The following DEF6 variants were observed in gnomAD, a reference collection of about 807,000 sequenced individuals.
DEF6 encodes DEF6 guanine nucleotide exchange factor, also known as differentially expressed in FDCP 6 homolog.
DEF6 carries 32 observed loss-of-function variants against 80.5 expected under a neutral mutation model. The observed-to-expected ratio is 0.40, with a 90% CI of 0.30 to 0.53. The LOEUF (loss-of-function observed/expected upper bound fraction) is 0.53. Among genes scored for constraint, DEF6 ranks in the 20% least tolerant of loss-of-function variants. DEF6 has a pLI of 0.57. For missense variants in DEF6, 575 were observed against 818.7 expected, an observed-to-expected ratio of 0.70 and a Z score of 3.63; for synonymous variants, 300 against 337.9, an observed-to-expected ratio of 0.89 and a Z score of 1.23.
chr6:35,302,911 C>T (rs1791334104), intron 1 of DEF6, among the ~76,000 whole-genome samples: 1 of 152,124 alleles, frequency 6.6e-6, no homozygotes, highest in Non-Finnish European at 1.5e-5. Flanking sequence ...CCTTGATTTC[C>T]TCATCTCTAA....
intron 1 of DEF6, among the ~76,000 whole-genome samples, chr6:35,304,548 CAA>C (rs1290667509): frequency 2.0e-5 from 3 of 152,160 alleles, no homozygotes; most frequent in East Asian, 1.9e-4. Flanking sequence ...GGCAAGTAAA[CAA>C]GAGGGATGAG....
chr6:35,297,972 C>A lies in DEF6; in HGVS notation c.96+20C>A. 1 of 1,569,966 alleles carries A rather than the reference C, an allele frequency of 6.4e-7. No individual in the cohort carries two copies. Among genetic ancestry groups the A allele is most frequent in the East Asian group, 2.3e-5 (1 of 43,360 alleles). On this transcript the variant is annotated intron_variant, in intron 1 of 10. Coordinates refer to ENST00000316637, the MANE Select transcript of DEF6 (RefSeq NM_022047.4). ...CTCAAGGTGAGGGGCACCCGGGACC[C>A]GGGGGAGGACGGCAGATGCACCACA...
rs1207055516 is a variant in DEF6 at position 35,319,176 on chromosome 6, T to C, written c.1216-348T>C. Among the ~76,000 whole-genome samples, 2 of 151,836 alleles carry C rather than the reference T, an allele frequency of 1.3e-5. No individual in the cohort carries two copies. The highest frequency in any genetic ancestry group is 2.9e-5 in the Non-Finnish European group (2 of 67,994). On this transcript the variant is annotated intron_variant, in intron 7 of 10. Coordinates refer to ENST00000316637, the MANE Select transcript of DEF6 (RefSeq NM_022047.4). This position sits in a 1 kb window ranked among gnomAD's most constrained non-coding sequence, Gnocchi z 4.5. The stretch of plus-strand genomic sequence containing the variant: ...CATCAGCCATGATTATAACATATTA[T>C]TATATATTATAATAATTATTAAGTT...
At chr6:35,320,090 T>G in intron 9 of DEF6, 73 bp downstream of exon 9, 3 of 1,462,672 alleles carry the variant, frequency 2.1e-6, no homozygotes, top group Non-Finnish European at 2.8e-6. Context: ...GGAGCCAGGC[T>G]GCCTTCCCTC....
chr6:35,314,977 C>A (rs2150388037), intron 5 of DEF6, among the ~76,000 whole-genome samples: 1 of 152,244 alleles, frequency 6.6e-6, no homozygotes, highest in South Asian at 2.1e-4. Context: ...TAGTTTCATT[C>A]ATCTGCATGT....
intron 1 of DEF6, among the ~76,000 whole-genome samples, chr6:35,301,864 T>A (rs1291797351): frequency 6.6e-6 from 1 of 151,760 alleles, no homozygotes; most frequent in Non-Finnish European, 1.5e-5. Flanking sequence ...GTAGCTGGAA[T>A]CACAGGTGCC....
Position 35,321,551 on chromosome 6 carries a change from T to C in DEF6, c.*141T>C. ...GCCCAGGCCCTCCAACCATAAACAG[T>C]CCAGGATGGAACCTGGTTCACCCTT... On this transcript the variant is annotated 3_prime_UTR_variant, in exon 11 of 11. Coordinates refer to ENST00000316637, the MANE Select transcript of DEF6 (RefSeq NM_022047.4). The C allele has an allele frequency of 1.4e-6, 1 of 707,930 alleles. No homozygotes were observed. The highest frequency in any genetic ancestry group is 2.8e-5 in the East Asian group (1 of 36,338). 43.9% of individuals were successfully genotyped at this position (707,930 alleles called of 1,614,324 possible). A position where few individuals can be genotyped will look rare whatever the true frequency, so the allele number is the denominator to read the frequency against.
chr6:35,309,540 T>C (rs1791435604), intron 1 of DEF6, 130 bp from the exon 2 acceptor site: 2 of 998,892 alleles, frequency 2.0e-6, no homozygotes, highest in Middle Eastern at 5.2e-4. Flanking sequence ...TAGTTATTAC[T>C]GAACTGAACA....
chr6:35,319,550 G>A lies in DEF6; in HGVS notation c.1242G>A (p.Met414Ile), dbSNP rs769479580. ...EQARASMQAE[M>I]ELKEEEAARQ... ...CCCGGGCCTCCATGCAGGCTGAGAT[G>A]GAGCTGAAGGAGGAGGAGGCTGCCC... Residue 414 changes from methionine to isoleucine, a missense_variant, in exon 8 of 11, where the codon ATG (methionine) becomes ATA (isoleucine). Transcript: ENST00000316637. This position sits in a 1 kb window ranked among gnomAD's most constrained non-coding sequence, Gnocchi z 4.5. 2.5e-6 allele frequency: 4 copies of A among 1,613,390 alleles called. No homozygotes were observed. The highest frequency in any genetic ancestry group is 2.2e-5 in the East Asian group (1 of 44,854).
Position 35,310,703 on chromosome 6 carries a change from A to G in DEF6, c.423+59A>G. ...CTTGGGACCAGACCTAAGCAAAACCATGAATGAGACCAAACCACCTTTGGT... is the reference window on the plus strand; with the variant it reads ...CTTGGGACCAGACCTAAGCAAAACCGTGAATGAGACCAAACCACCTTTGGT... On this transcript the variant is annotated intron_variant, in intron 3 of 10. Transcript: ENST00000316637. 1.9e-6 allele frequency: 3 copies of G among 1,589,794 alleles called. No homozygotes were observed. In the South Asian group the frequency reaches 3.3e-5, roughly 18 times the overall value.
In DEF6 at chr6:35,321,212, C is replaced by T. The variant is rs772238988; in HGVS notation, c.1698C>T (p.Ser566=). ...PGDKRPVTSS[S]FSGFQPPLLA... Reference sequence around the variant, plus strand: ...ATAAGCGTCCGGTCACCAGCAGCTCCTTCTCAGGCTTCCAGCCCCCTCTGC... The same window carrying T: ...ATAAGCGTCCGGTCACCAGCAGCTCTTTCTCAGGCTTCCAGCCCCCTCTGC... Residue 566 remains serine, a synonymous_variant, in exon 11 of 11, where the codon TCC becomes TCT. Coordinates refer to ENST00000316637, the MANE Select transcript of DEF6 (RefSeq NM_022047.4). 1.2e-6 allele frequency: 2 copies of T among 1,612,802 alleles called. No individual in the cohort carries two copies. Among genetic ancestry groups the T allele is most frequent in the African/African-American group, 1.3e-5 (1 of 74,868 alleles).
At chr6:35,301,830 G>A (rs1791318934) in intron 1 of DEF6, among the ~76,000 whole-genome samples, 1 of 148,496 alleles carries the variant, frequency 6.7e-6, no homozygotes, top group South Asian at 2.2e-4. Context: ...AGGTTCAAGT[G>A]ATTCTCCTGC....
chr6:35,318,627 G>A lies in DEF6; in HGVS notation c.1215+156G>A, dbSNP rs1791552224. 6.6e-6 allele frequency among the ~76,000 whole-genome samples: 1 copy of A among 152,152 alleles called. No individual in the cohort carries two copies. The highest frequency in any genetic ancestry group is 6.5e-5 in the Admixed American group (1 of 15,286). On this transcript the variant is annotated intron_variant, in intron 7 of 10. Coordinates refer to ENST00000316637, the MANE Select transcript of DEF6 (RefSeq NM_022047.4). This position sits in a 1 kb window ranked among gnomAD's most constrained non-coding sequence, Gnocchi z 5.1. ...TGAAATGAGGGATTGTTGGGACAGA[G>A]TCCGCGGGTTTGAAAAAGAGATTTG...
At position 35,312,325 on chromosome 6, in the gene DEF6, A is replaced by C. The variant is rs539688189; in HGVS notation, c.447A>C (p.Val149=). The C allele has an allele frequency of 3.1e-6, 5 of 1,614,066 alleles. No homozygotes were observed. In the South Asian group the frequency reaches 5.5e-5, roughly 18 times the overall value. Reference sequence around the variant, plus strand: ...AGGTGGAATACCTGCTGAAAAAGGTACTCAGCAGCATGAGCTTGGAGGTGA... The same window carrying C: ...AGGTGGAATACCTGCTGAAAAAGGTCCTCAGCAGCATGAGCTTGGAGGTGA... ...PDEVEYLLKK[V]LSSMSLEVSL... is the part of the protein sequence containing the mutation. The change falls in exon 4 of 11, where the codon GTA becomes GTC. Residue 149 remains valine (V), a synonymous_variant. Transcript: ENST00000316637. The surrounding 1 kb of genome is among the most constrained non-coding windows in gnomAD (Gnocchi z 6.6).
At chr6:35,313,455 T>C (rs1003291137) in intron 5 of DEF6, 2 of 329,230 alleles carry the variant, frequency 6.1e-6, no homozygotes, top group Admixed American at 9.3e-5. Context: ...AATATTTCTT[T>C]ATGCTAGAAA....
chr6:35,305,741 T>G (rs1345263749), intron 1 of DEF6, among the ~76,000 whole-genome samples: 4 of 151,826 alleles, frequency 2.6e-5, no homozygotes, highest in Non-Finnish European at 5.9e-5. Context: ...CCCAGCTAAT[T>G]TTTGTATTTT....
chr6:35,320,651 G>T (rs1791579869), intron 9 of DEF6, among the ~76,000 whole-genome samples: 2 of 152,260 alleles, frequency 1.3e-5, no homozygotes, highest in South Asian at 4.1e-4. Flanking sequence ...TCAATAAACG[G>T]AAACTATTAT....
At chr6:35,315,463 A>ATT (rs55852811) in intron 5 of DEF6, among the ~76,000 whole-genome samples, 15 of 152,052 alleles carry the variant, frequency 9.9e-5, no homozygotes, top group South Asian at 4.2e-4. Flanking sequence ...AAATTTTAGG[A>ATT]TTTTTTTTCT....
chr6:35,298,278 A>G lies in DEF6; in HGVS notation c.96+326A>G, dbSNP rs912683462. 5.3e-5 allele frequency among the ~76,000 whole-genome samples: 8 copies of G among 152,346 alleles called. No individual in the cohort carries two copies. The South Asian group carries it at 8.3e-4, about 16-fold the overall frequency. ...ACATCCCAGACTCTGTGTGATGAGC[A>G]CACACACCTCCACAGAGTCATGCTT... On this transcript the variant is annotated intron_variant, in intron 1 of 10. Transcript: ENST00000316637.
Sources: gnomAD v4.1 joint callset for allele counts (sites outside exome capture counted in the v4.1 genomes callset) on GRCh38, gnomAD v4.1.1 for gene constraint, Gnocchi (gnomAD v3.1) non-coding constraint, MANE v1.5 for transcripts, NCBI Gene and HGNC (gene_info 2026-07-23, HGNC 2026-07-21) for gene names.